PTK2: variants seen among roughly 807,000 people sequenced by gnomAD.
PTK2 encodes protein tyrosine kinase 2, also known as focal adhesion kinase 1.
A neutral mutation model predicts 150.1 loss-of-function variants in PTK2; 45 were observed. The ratio of observed to expected loss-of-function variants is 0.30; its 90% confidence interval spans 0.24 to 0.38. The LOEUF is 0.38. Among genes scored for constraint, PTK2 ranks in the 10% least tolerant of loss-of-function variants. The probability of loss-of-function intolerance (pLI) is 1.00; values close to 1 mark genes in which losing one functional copy is unlikely to be tolerated. For missense variants in PTK2, 919 were observed against 1,307.3 expected (o/e 0.70, Z 4.58); for synonymous variants, 432 against 449.2 (o/e 0.96, Z 0.48).
intron 1 of PTK2, among the ~76,000 whole-genome samples, chr8:140,935,662 T>C (rs1218582446): frequency 6.6e-6 from 1 of 151,510 alleles, no homozygotes; most frequent in African/African-American, 2.4e-5. Context: ...TTTTTCCTAA[T>C]GCGCTGTTCA....
chr8:140,734,491 G>A (rs2100051411), intron 22 of PTK2, among the ~76,000 whole-genome samples: 1 of 152,194 alleles, frequency 6.6e-6, no homozygotes, highest in Admixed American at 6.6e-5. Context: ...AGAGCTCTGA[G>A]TGTAGCTGGG....
chr8:140,809,115 G>C (rs575818346), intron 10 of PTK2, among the ~76,000 whole-genome samples: 49 of 152,252 alleles, frequency 3.2e-4, no homozygotes, highest in African/African-American at 1.2e-3. Flanking sequence ...CATATTAAAA[G>C]TTGTGCAAGA....
rs574440664 is a variant in PTK2 at position 140,798,576 on chromosome 8, A to T, written c.1093+1883T>A. On this transcript the variant is annotated intron_variant, in intron 12 of 31. Coordinates refer to ENST00000522684, the Ensembl canonical transcript of PTK2. ...CCTAGAGAGCAAAAAACGCTAGCTA[A>T]TAGTGAAATCAACACAGGAAGATGT... 8.2e-4 allele frequency among the ~76,000 whole-genome samples: 125 copies of T among 152,210 alleles called. 4 individuals are homozygous for T. The highest frequency in any genetic ancestry group is 1.3e-4 in the Non-Finnish European group (9 of 68,030).
At chr8:140,702,494 A>T in intron 25 of PTK2, 76 bp downstream of exon 28, 2 of 1,530,860 alleles carry the variant, frequency 1.3e-6, no homozygotes, top group Admixed American at 3.6e-5. Flanking sequence ...TGCTAGGATT[A>T]CAAGTGTAAG....
chr8:140,700,210 T>C (rs1934187653), intron 26 of PTK2, among the ~76,000 whole-genome samples: 5 of 152,204 alleles, frequency 3.3e-5, no homozygotes, highest in Admixed American at 2.0e-4. Context: ...GTTTTGGATA[T>C]AGGATTCTGG....
chr8:140,725,803 A>T (rs572446146), intron 22 of PTK2, among the ~76,000 whole-genome samples: 5 of 151,844 alleles, frequency 3.3e-5, no homozygotes, highest in African/African-American at 9.7e-5. Flanking sequence ...CCTACCCATC[A>T]GCCACAATGT....
chr8:140,681,569 A>G (rs1202902223), intron 27 of PTK2, among the ~76,000 whole-genome samples: 2 of 151,988 alleles, frequency 1.3e-5, no homozygotes, highest in South Asian at 2.1e-4. Context: ...CGAAGTCAGG[A>G]GATCGAGACC....
chr8:140,921,874 G>A (rs574708459), intron 2 of PTK2, among the ~76,000 whole-genome samples: 1 of 152,112 alleles, frequency 6.6e-6, no homozygotes, highest in Non-Finnish European at 1.5e-5. Context: ...GACAGTCAAG[G>A]TCATCTCAAA....
At chr8:140,694,372 T>C (rs2100025183) in intron 26 of PTK2, among the ~76,000 whole-genome samples, 1 of 152,170 alleles carries the variant, frequency 6.6e-6, no homozygotes, top group African/African-American at 2.4e-5. Flanking sequence ...TTTATAGCAA[T>C]TTGAAACAGT....
intron 2 of PTK2, among the ~76,000 whole-genome samples, chr8:140,908,045 A>C (rs2100161669): frequency 6.6e-6 from 1 of 152,250 alleles, no homozygotes; most frequent in African/African-American, 2.4e-5. Context: ...ACAAGCCAAA[A>C]GCTAGGCTTC....
chr8:140,845,699 G>C (rs1036122322), intron 7 of PTK2, among the ~76,000 whole-genome samples: 2 of 152,126 alleles, frequency 1.3e-5, no homozygotes, highest in Non-Finnish European at 2.9e-5. Context: ...AGCTACAAAG[G>C]ACTCAGTGTT....
At chr8:140,667,301 T>C (rs1014876227) in intron 30 of PTK2, among the ~76,000 whole-genome samples, 2 of 152,208 alleles carry the variant, frequency 1.3e-5, no homozygotes, top group Admixed American at 6.5e-5. Flanking sequence ...AAAAAAAGTA[T>C]GTTCGAGTAT....
chr8:140,825,352 A>G (rs2100111198), intron 8 of PTK2, among the ~76,000 whole-genome samples: 1 of 152,192 alleles, frequency 6.6e-6, no homozygotes, highest in Non-Finnish European at 1.5e-5. Context: ...TGAAAATATT[A>G]AGCTTAAAAT....
chr8:140,696,255 G>C (rs1221421074), intron 26 of PTK2, among the ~76,000 whole-genome samples: 1 of 152,178 alleles, frequency 6.6e-6, no homozygotes, highest in Non-Finnish European at 1.5e-5. Flanking sequence ...TTGTCATACA[G>C]TGAGAAACAT....
chr8:140,947,569 G>A (rs900591392), intron 1 of PTK2, among the ~76,000 whole-genome samples: 5 of 151,742 alleles, frequency 3.3e-5, no homozygotes, highest in Non-Finnish European at 5.9e-5. Flanking sequence ...ACTTCAAGGT[G>A]GTAGAGTAAT....
At chr8:140,879,749 G>C (rs2100148122) in intron 3 of PTK2, 112 bp from the exon 4 acceptor site, 5 of 838,672 alleles carry the variant, frequency 6.0e-6, no homozygotes, top group East Asian at 3.4e-5. Context: ...ATGCTAAAAA[G>C]TAATGCAATG....
At chr8:140,965,006 A>C (rs2100184749) in intron 1 of PTK2, among the ~76,000 whole-genome samples, 1 of 152,200 alleles carries the variant, frequency 6.6e-6, no homozygotes, top group Non-Finnish European at 1.5e-5. Flanking sequence ...CGGATATGGA[A>C]ACTAAGACCT....
chr8:140,772,237 G>A (rs1268836525), intron 14 of PTK2, among the ~76,000 whole-genome samples: 1 of 152,324 alleles, frequency 6.6e-6, no homozygotes, highest in Non-Finnish European at 1.5e-5. Flanking sequence ...CTGCCAGCCT[G>A]TGTAACATAG....
intron 22 of PTK2, among the ~76,000 whole-genome samples, chr8:140,727,837 T>C (rs2100046840): frequency 1.3e-5 from 2 of 152,188 alleles, no homozygotes; most frequent in South Asian, 2.1e-4. Context: ...TAATACTCAT[T>C]CAAATCTCAC....
Sources: gnomAD v4.1 joint callset for allele counts (sites outside exome capture counted in the v4.1 genomes callset) on GRCh38, gnomAD v4.1.1 for gene constraint, MANE v1.5 for transcripts, NCBI Gene and HGNC (gene_info 2026-07-23, HGNC 2026-07-21) for gene names.